PRRC2B: variants seen among roughly 807,000 people sequenced by gnomAD.
PRRC2B encodes the protein proline rich coiled-coil 2B, also known as protein PRRC2B.
PRRC2B carries 68 observed loss-of-function variants against 242.3 expected under a neutral mutation model. The ratio of observed to expected loss-of-function variants is 0.28; its 90% CI spans 0.23 to 0.34. The LOEUF (loss-of-function observed/expected upper bound fraction) is 0.34, where lower values mean the gene tolerates loss of function less well. Ranked by LOEUF, PRRC2B falls within the 10% of genes least tolerant of loss-of-function variation. The probability of loss-of-function intolerance (pLI) is 1.00; values close to 1 mark genes in which losing one functional copy is unlikely to be tolerated. For missense variants in PRRC2B, 2,835 were observed against 2,954.8 expected, an observed-to-expected ratio of 0.96 and a Z score of 0.94; for synonymous variants, 1,228 against 1,173.6, an observed-to-expected ratio of 1.05 and a Z score of -0.95.
At position 131,459,260 on chromosome 9, in the gene PRRC2B, T is replaced by C. The variant is rs748249337; in HGVS notation, c.1308T>C (p.Ala436=). 22 of 1,613,860 alleles carry C rather than the reference T, an allele frequency of 1.4e-5. No homozygotes were observed. In the Admixed American group the frequency reaches 3.7e-4, roughly 27 times the overall value. ...CTCGAGAGGAAGGGAAGGACTGGGC[T>C]GAAGCAGTGGGTGCGTCCCGTGTGG... is the stretch of plus-strand genomic sequence containing the variant. The part of the protein sequence containing the change: ...KRTREEGKDW[A]EAVGASRVVR... Residue 436 remains alanine, a synonymous_variant, in exon 11 of 32, where the codon GCT becomes GCC. Transcript: ENST00000683519.
chr9:131,438,959 G>T, intron 4 of PRRC2B, 30 bp from the exon 5 acceptor site: 1 of 1,563,086 alleles, frequency 6.4e-7, no homozygotes, highest in Non-Finnish European at 8.8e-7. Context: ...AAGGGAGCTG[G>T]CCCTCTTCTG....
At chr9:131,442,798 A>T (rs1056537673) in intron 5 of PRRC2B, among the ~76,000 whole-genome samples, 4 of 152,204 alleles carry the variant, frequency 2.6e-5, no homozygotes, top group African/African-American at 9.7e-5. Flanking sequence ...AGATCAAAAG[A>T]CGTGCCATTT....
rs2966338 is a variant in PRRC2B at position 131,448,542 on chromosome 9, T to A, written c.1120+738T>A. 2.0e-3 allele frequency among the ~76,000 whole-genome samples: 187 copies of A among 95,000 alleles called. 34 individuals carry two copies. The highest frequency in any genetic ancestry group is 7.6e-3 in the African/African-American group (179 of 23,400). 62.3% of individuals were successfully genotyped at this position (95,000 alleles called of 152,430 possible). ...TTGGGCGACAGAGGGAGACACTGTC[T>A]CAAAAAAAAAAAAAAAAAAAAAAAA... On this transcript the variant is annotated intron_variant, in intron 9 of 31. Coordinates refer to ENST00000683519, the MANE Select transcript of PRRC2B (RefSeq NM_013318.4).
chr9:131,447,276 C>G (rs1316989115), intron 8 of PRRC2B, 70 bp downstream of exon 8: 4 of 1,575,422 alleles, frequency 2.5e-6, no homozygotes, highest in Non-Finnish European at 1.7e-6. Flanking sequence ...AGATGAGGGG[C>G]TGATGAATAG....
At chr9:131,429,854 TG>T (rs971633995) in intron 1 of PRRC2B, among the ~76,000 whole-genome samples, 2 of 151,742 alleles carry the variant, frequency 1.3e-5, no homozygotes, top group African/African-American at 2.4e-5. Flanking sequence ...AGGTGGGGGT[TG>T]GGGGGGTACT....
At chr9:131,416,071 T>C (rs1248693282) in intron 1 of PRRC2B, among the ~76,000 whole-genome samples, 1 of 152,032 alleles carries the variant, frequency 6.6e-6, no homozygotes. Flanking sequence ...TTCTGAGATT[T>C]GTTTGGCTTG....
intron 1 of PRRC2B, among the ~76,000 whole-genome samples, chr9:131,408,321 C>T (rs536191520): frequency 6.6e-6 from 1 of 152,188 alleles, no homozygotes; most frequent in South Asian, 2.1e-4. Flanking sequence ...AATATTGGCC[C>T]CAGCATGTAA....
At chr9:131,424,361 C>T (rs1433815690) in intron 1 of PRRC2B, among the ~76,000 whole-genome samples, 4 of 152,208 alleles carry the variant, frequency 2.6e-5, no homozygotes, top group South Asian at 2.1e-4. Context: ...AGGCCAATAG[C>T]GTGCCCAACA....
At chr9:131,385,724 C>T (rs1177162822) in intron 1 of PRRC2B, among the ~76,000 whole-genome samples, 2 of 150,342 alleles carry the variant, frequency 1.3e-5, no homozygotes, top group African/African-American at 2.4e-5. Context: ...GGCGGAGTCT[C>T]GCCTTGTCGC....
rs375925585 is a variant in PRRC2B, at chr9:131,487,833, G to T, written c.5985-23G>T. ...CAGCTGGACTCATCCACCTGATCCC[G>T]ACCATCTGTCTGGCTTTTGCAGATC... On this transcript the variant is annotated intron_variant, in intron 27 of 31. Transcript: ENST00000683519. The surrounding 1 kb of genome is among the most constrained non-coding windows in gnomAD (Gnocchi z 5.3). 58 of 1,595,706 alleles carry T rather than the reference G, an allele frequency of 3.6e-5. No homozygotes were observed. The highest frequency in any genetic ancestry group is 4.7e-5 in the Non-Finnish European group (55 of 1,165,944).
intron 1 of PRRC2B, among the ~76,000 whole-genome samples, chr9:131,416,735 C>G (rs1837666921): frequency 6.6e-6 from 1 of 151,802 alleles, no homozygotes; most frequent in Non-Finnish European, 1.5e-5. Flanking sequence ...GCATACCGAT[C>G]AGATATTTGG....
At chr9:131,373,960 A>G (rs557678218) in intron 1 of PRRC2B, among the ~76,000 whole-genome samples, 66 of 152,040 alleles carry the variant, frequency 4.3e-4, no homozygotes, top group African/African-American at 1.3e-3. Context: ...TCCGGAGGCT[A>G]AGGCAGGAGA....
At chr9:131,451,414 T>C (rs1942915251) in intron 9 of PRRC2B, among the ~76,000 whole-genome samples, 2 of 151,550 alleles carry the variant, frequency 1.3e-5, no homozygotes, top group Non-Finnish European at 2.9e-5. Context: ...AAAAAGAAAA[T>C]ACAGTTGATT....
chr9:131,487,253 G>A lies in PRRC2B; in HGVS notation c.5943G>A (p.Val1981=), dbSNP rs1944050594. Residue 1981 remains valine, a synonymous_variant, in exon 27 of 32, where the codon GTG becomes GTA. Transcript: ENST00000683519. This position sits in a 1 kb window ranked among gnomAD's most constrained non-coding sequence, Gnocchi z 5.3. ...AQLGLRGGLP[V]SQSQEIFSSL... ...TTGGACTGAGGGGTGGGCTTCCTGT[G>A]TCCCAGTCCCAGGAGATCTTCAGCT... is the stretch of plus-strand genomic sequence containing the variant. The A allele has an allele frequency of 6.2e-7, 1 of 1,612,920 alleles. No individual in the cohort carries two copies. Among genetic ancestry groups the A allele is most frequent in the African/African-American group, 1.3e-5 (1 of 75,030 alleles).
upstream of PRRC2B, among the ~76,000 whole-genome samples, chr9:131,392,241 G>A (rs1168152393): frequency 1.3e-5 from 2 of 151,820 alleles, no homozygotes; most frequent in African/African-American, 4.8e-5. Flanking sequence ...TGGGATTACA[G>A]GCGACTGCCA....
At chr9:131,416,875 G>GA (rs139588313) in intron 1 of PRRC2B, among the ~76,000 whole-genome samples, 3 of 151,904 alleles carry the variant, frequency 2.0e-5, no homozygotes, top group Non-Finnish European at 1.5e-5. Context: ...TTTTAAGGGG[G>GA]AAAAAAAGTT....
At chr9:131,489,804 C>T (rs900475283) in intron 28 of PRRC2B, among the ~76,000 whole-genome samples, 1 of 152,140 alleles carries the variant, frequency 6.6e-6, no homozygotes, top group Non-Finnish European at 1.5e-5. Flanking sequence ...TATCCCTTCC[C>T]GTCAGTACAC....
chr9:131,486,568 G>T, intron 26 of PRRC2B: 1 of 975,490 alleles, frequency 1.0e-6, no homozygotes, highest in Non-Finnish European at 1.2e-6. Flanking sequence ...GCAGGCGTTG[G>T]TTATTTATGC....
chr9:131,488,430 A>G (rs1944088906), intron 28 of PRRC2B, among the ~76,000 whole-genome samples: 1 of 151,922 alleles, frequency 6.6e-6, no homozygotes. Flanking sequence ...TGCCTGGCTA[A>G]TTTTTGTATT....
Sources: allele counts gnomAD v4.1 joint callset (sites outside exome capture counted in the v4.1 genomes callset), GRCh38; gene constraint gnomAD v4.1.1; non-coding constraint Gnocchi (gnomAD v3.1); transcripts MANE v1.5; gene names NCBI Gene and HGNC (gene_info 2026-07-23, HGNC 2026-07-21).